NACC2: variants seen among roughly 807,000 people sequenced by gnomAD.
NACC2 encodes nucleus accumbens-associated protein 2.
In NACC2, 8 loss-of-function variants were observed where a neutral mutation model predicts 25.1. The ratio of observed to expected loss-of-function variants is 0.32; its 90% confidence interval spans 0.19 to 0.57. The LOEUF (loss-of-function observed/expected upper bound fraction) is 0.57, where lower values mean the gene tolerates loss of function less well. NACC2 is among the 20% of genes least tolerant of loss of function. NACC2 has a pLI of 0.89. For missense variants in NACC2, 644 were observed against 650.2 expected (o/e 0.99, Z 0.10); for synonymous variants, 435 against 294.7 (o/e 1.48, Z -4.88).
At chr9:136,082,642 G>T (rs11789434) in intron 1 of NACC2, among the ~76,000 whole-genome samples, 81,157 of 152,030 alleles carry the variant, frequency 0.53, 23,153 homozygotes, top group South Asian at 0.67. Context: ...CGCCAGGCCC[G>T]CGCTGCCTCC....
chr9:136,044,463 C>A (rs1687023474), intron 2 of NACC2, among the ~76,000 whole-genome samples: 1 of 152,136 alleles, frequency 6.6e-6, no homozygotes, highest in Non-Finnish European at 1.5e-5. Flanking sequence ...ACCCTTCACC[C>A]CCGACCCCTG....
In NACC2 at chr9:136,068,661, C is replaced by T. The variant is rs970229382; in HGVS notation, c.-59-18081G>A. 1.4e-4 allele frequency among the ~76,000 whole-genome samples: 22 copies of T among 151,810 alleles called. 2 individuals are homozygous for T. Among genetic ancestry groups the T allele is most frequent in the African/African-American group, 5.1e-4 (21 of 41,140 alleles). On this transcript the variant is annotated intron_variant, in intron 1 of 5. Coordinates refer to ENST00000277554, the MANE Select transcript of NACC2 (RefSeq NM_144653.5). Reference sequence around the variant, plus strand: ...CAGCATGTGACTATATACTAAAAACCACTAAATTATACAGTGTATGAGTGA... The same window carrying T: ...CAGCATGTGACTATATACTAAAAACTACTAAATTATACAGTGTATGAGTGA...
chr9:136,013,159 G>GCC lies in NACC2; in HGVS notation c.1255+38_1255+39dup. 1.9e-5 allele frequency: 14 copies of GCC among 754,848 alleles called. No individual in the cohort carries two copies. Among genetic ancestry groups the GCC allele is most frequent in the Non-Finnish European group, 2.8e-5 (12 of 425,892 alleles). The allele number at this position is 754,848 out of a possible 1,614,324, so 46.8% of individuals were successfully genotyped here. ...CTCCTCAGGCTGGGATCTGAACCCA[G>GCC]CCCCGGCCCCACCCACCCGAGAGAC... On this transcript the variant is annotated intron_variant, in intron 5 of 5. Transcript: ENST00000277554. The surrounding 1 kb of genome is among the most constrained non-coding windows in gnomAD (Gnocchi z 6.6).
intron 1 of NACC2, among the ~76,000 whole-genome samples, chr9:136,061,298 G>A (rs1322734947): frequency 6.6e-6 from 1 of 151,888 alleles, no homozygotes; most frequent in Admixed American, 6.6e-5. Context: ...CCAGCCACTG[G>A]GACCCACAGC....
chr9:136,054,996 G>A (rs1840902535), intron 1 of NACC2, among the ~76,000 whole-genome samples: 1 of 152,102 alleles, frequency 6.6e-6, no homozygotes, highest in African/African-American at 2.4e-5. Flanking sequence ...CACAGAGGAG[G>A]CTGGGTTCCT....
At chr9:136,057,657 C>T (rs1463953113) in intron 1 of NACC2, among the ~76,000 whole-genome samples, 1 of 152,244 alleles carries the variant, frequency 6.6e-6, no homozygotes, top group African/African-American at 2.4e-5. Context: ...GCCCCCTCCT[C>T]CCCCAGGGCT....
chr9:136,094,777 G>A (rs1257905055), intron 1 of NACC2, among the ~76,000 whole-genome samples: 1 of 151,956 alleles, frequency 6.6e-6, no homozygotes, highest in African/African-American at 2.4e-5. Context: ...TCCTGCCCCG[G>A]CTTCCCCACC....
chr9:136,094,321 G>A (rs78045426), intron 1 of NACC2, among the ~76,000 whole-genome samples: 2,071 of 152,280 alleles, frequency 0.014, 38 homozygotes, highest in African/African-American at 0.047. Flanking sequence ...AGACCCACAG[G>A]TTTAAGCGGC....
chr9:136,048,062 G>C (rs927283031), intron 2 of NACC2, among the ~76,000 whole-genome samples: 1 of 152,172 alleles, frequency 6.6e-6, no homozygotes, highest in Admixed American at 6.5e-5. Context: ...GCAACCCGTC[G>C]GCAGGGCCCT....
intron 1 of NACC2, among the ~76,000 whole-genome samples, chr9:136,058,166 G>T (rs1039269741): frequency 6.6e-6 from 1 of 152,226 alleles, no homozygotes; most frequent in African/African-American, 2.4e-5. Context: ...CAAGGGGGCT[G>T]CTGGCACCAC....
intron 2 of NACC2, among the ~76,000 whole-genome samples, chr9:136,021,837 C>T (rs4842075): frequency 0.26 from 39,427 of 152,080 alleles, 5,550 homozygotes; most frequent in East Asian, 0.34. Context: ...ACACAGAAGA[C>T]GTAAAATGAT....
At chr9:136,067,073 G>A (rs906730412) in intron 1 of NACC2, among the ~76,000 whole-genome samples, 1 of 152,062 alleles carries the variant, frequency 6.6e-6, no homozygotes, top group African/African-American at 2.4e-5. Flanking sequence ...CAAGCAACAT[G>A]TCGAAACCCC....
intron 1 of NACC2, among the ~76,000 whole-genome samples, chr9:136,083,917 G>C (rs1241989122): frequency 6.6e-6 from 1 of 152,096 alleles, no homozygotes; most frequent in African/African-American, 2.4e-5. Context: ...GCAGCTCTGG[G>C]GCCCAGAGAC....
At chr9:136,093,457 G>A (rs1830453772) in intron 1 of NACC2, among the ~76,000 whole-genome samples, 1 of 152,186 alleles carries the variant, frequency 6.6e-6, no homozygotes, top group Middle Eastern at 3.2e-3. Flanking sequence ...ACTGCTCCCA[G>A]CAGGAGATCT....
chr9:136,093,199 G>GC (rs1381213778), intron 1 of NACC2, among the ~76,000 whole-genome samples: 6 of 152,214 alleles, frequency 3.9e-5, no homozygotes, highest in Non-Finnish European at 7.4e-5. Context: ...AACCAGGAAA[G>GC]CAGGACTCCG....
At chr9:136,030,384 C>A (rs1840456186) in intron 2 of NACC2, among the ~76,000 whole-genome samples, 1 of 152,036 alleles carries the variant, frequency 6.6e-6, no homozygotes, top group Admixed American at 6.5e-5. Flanking sequence ...CCAAGGCAGG[C>A]AGATCACGAG....
At chr9:136,024,232 TGTGTGTGAGGACAGAGG>T (rs1438470378) in intron 2 of NACC2, among the ~76,000 whole-genome samples, 5 of 31,520 alleles carry the variant, frequency 1.6e-4, no homozygotes, top group African/African-American at 3.4e-4. Context: ...GGACAGAGGG[TGTGTGTGAGGACAGAGG>T]GTGTGTGTGA....
chr9:136,023,064 G>GAGGAGGGAGGAGA, intron 2 of NACC2, among the ~76,000 whole-genome samples: 1 of 4,258 alleles, frequency 2.3e-4, no homozygotes, highest in South Asian at 7.2e-3. Flanking sequence ...GAGGAAGGAG[G>GAGGAGGGAGGAGA]GAAGAGGGAG....
chr9:136,071,755 T>G (rs1241512232), intron 1 of NACC2, among the ~76,000 whole-genome samples: 1 of 152,078 alleles, frequency 6.6e-6, no homozygotes, highest in Non-Finnish European at 1.5e-5. Context: ...GACAGACATA[T>G]GGATCAATGG....
Sources: gnomAD v4.1 joint callset for allele counts (sites outside exome capture counted in the v4.1 genomes callset) on GRCh38, gnomAD v4.1.1 for gene constraint, Gnocchi (gnomAD v3.1) non-coding constraint, MANE v1.5 for transcripts, NCBI Gene and HGNC (gene_info 2026-07-23, HGNC 2026-07-21) for gene names.